Variants in PRKCA observed in about 807,000 individuals in gnomAD.
PRKCA encodes protein kinase C alpha.
PRKCA carries 27 observed loss-of-function variants against 87.0 expected under a neutral mutation model. That is an observed-to-expected ratio of 0.31 (90% CI 0.23 to 0.43). The LOEUF is 0.43. Among genes scored for constraint, PRKCA ranks in the 20% least tolerant of loss-of-function variants. The probability of loss-of-function intolerance (pLI) is 1.00; values close to 1 mark genes in which losing one functional copy is unlikely to be tolerated. For missense variants in PRKCA, 518 were observed against 852.3 expected (o/e 0.61, Z 4.88); for synonymous variants, 329 against 311.1 (o/e 1.06, Z -0.61).
At chr17:66,746,460 C>A (rs974736754) in intron 13 of PRKCA, among the ~76,000 whole-genome samples, 1 of 151,952 alleles carries the variant, frequency 6.6e-6, no homozygotes, top group Admixed American at 6.6e-5. Context: ...AATAATATTT[C>A]GTGTGGAAAA....
At chr17:66,782,504 G>T (rs112214920) in intron 14 of PRKCA, among the ~76,000 whole-genome samples, 2 of 152,292 alleles carry the variant, frequency 1.3e-5, no homozygotes, top group African/African-American at 4.8e-5. Context: ...TCGGCCAGCA[G>T]CTGGGAAGGA....
At chr17:66,687,805 G>A (rs1392561355) in intron 6 of PRKCA, among the ~76,000 whole-genome samples, 1 of 152,174 alleles carries the variant, frequency 6.6e-6, no homozygotes, top group Non-Finnish European at 1.5e-5. Context: ...GAAGGAAGGA[G>A]GGAATAAATA....
At chr17:66,641,513 T>G in intron 4 of PRKCA, 47 bp downstream of exon 4, 2 of 1,422,200 alleles carry the variant, frequency 1.4e-6, no homozygotes, top group South Asian at 1.2e-5. Flanking sequence ...CTGTAGCTCA[T>G]GCTCAGGGTT....
chr17:66,346,153 G>A (rs922381859), intron 2 of PRKCA, among the ~76,000 whole-genome samples: 7 of 148,928 alleles, frequency 4.7e-5, no homozygotes, highest in Non-Finnish European at 8.9e-5. Context: ...GAGTGCGCAC[G>A]TGGCACTATC....
chr17:66,642,593 A>G (rs751853488), intron 4 of PRKCA, among the ~76,000 whole-genome samples: 1 of 152,142 alleles, frequency 6.6e-6, no homozygotes, highest in Non-Finnish European at 1.5e-5. Flanking sequence ...GACTATTTTC[A>G]TTTGCTATGA....
chr17:66,786,028 C>T (rs935593315), intron 14 of PRKCA, among the ~76,000 whole-genome samples: 1 of 152,182 alleles, frequency 6.6e-6, no homozygotes, highest in South Asian at 2.1e-4. Context: ...CGGGGTTTCA[C>T]CATGTTAGCC....
At chr17:66,441,939 G>A (rs1011078009) in intron 2 of PRKCA, among the ~76,000 whole-genome samples, 7 of 152,080 alleles carry the variant, frequency 4.6e-5, no homozygotes, top group South Asian at 2.1e-4. Flanking sequence ...ATGGACGGGC[G>A]GACAGATGGA....
At chr17:66,411,481 C>A (rs958921512) in intron 2 of PRKCA, among the ~76,000 whole-genome samples, 4 of 152,130 alleles carry the variant, frequency 2.6e-5, no homozygotes, top group African/African-American at 4.8e-5. Flanking sequence ...ACCATGAAAA[C>A]CCATCCTGAA....
rs957584913 is a variant in PRKCA at position 66,683,798 on chromosome 17, C to T, written c.530-3313C>T. Among the ~76,000 whole-genome samples the T allele has an allele frequency of 3.3e-5, 5 of 152,104 alleles. 1 individual carries two copies. The South Asian group carries it at 8.3e-4, about 25-fold the overall frequency. ...TATTTTTAGTAGAAATGGGGTTTCA[C>T]CATGTTGGCCAGACTGGTCTCAAAC... On this transcript the variant is annotated intron_variant, in intron 5 of 16. Coordinates refer to ENST00000413366, the MANE Select transcript of PRKCA (RefSeq NM_002737.3).
At chr17:66,774,602 C>T (rs911448601) in intron 14 of PRKCA, 6 of 985,262 alleles carry the variant, frequency 6.1e-6, no homozygotes, top group Non-Finnish European at 7.2e-6. Flanking sequence ...GCCTGGGCAA[C>T]AGAGTGAGAC....
At chr17:66,496,714 GCT>G (rs1339754935) in intron 3 of PRKCA, among the ~76,000 whole-genome samples, 1 of 142,634 alleles carries the variant, frequency 7.0e-6, no homozygotes, top group Non-Finnish European at 1.5e-5. Context: ...CACGATCTCA[GCT>G]CACTGCAACC....
intron 2 of PRKCA, among the ~76,000 whole-genome samples, chr17:66,431,832 A>G (rs1417503582): frequency 2.0e-5 from 3 of 152,178 alleles, no homozygotes; most frequent in African/African-American, 4.8e-5. Flanking sequence ...CTGAAAGCCA[A>G]TAATTAAGTA....
At chr17:66,769,862 C>A (rs1974893410) in intron 13 of PRKCA, among the ~76,000 whole-genome samples, 1 of 152,174 alleles carries the variant, frequency 6.6e-6, no homozygotes, top group African/African-American at 2.4e-5. Context: ...TCCATTTTGA[C>A]TAATTGAAGA....
chr17:66,390,179 A>T (rs1469242322), intron 2 of PRKCA, among the ~76,000 whole-genome samples: 1 of 152,276 alleles, frequency 6.6e-6, no homozygotes, highest in Admixed American at 6.5e-5. Flanking sequence ...CTGAGATTAC[A>T]TCCTTGTACT....
intron 2 of PRKCA, among the ~76,000 whole-genome samples, chr17:66,442,357 G>A (rs1412386078): frequency 6.6e-6 from 1 of 151,824 alleles, no homozygotes; most frequent in East Asian, 1.9e-4. Context: ...GCACCTGCCT[G>A]TAACATCATG....
rs115782265 is a variant in PRKCA, at chr17:66,310,167, T to G, written c.205+4040T>G. ...TATTTCAAATGCCAAACAGTTAACATAGTTTGTTTCATCTGCCTAACCTCC... is the reference window on the plus strand; with the variant it reads ...TATTTCAAATGCCAAACAGTTAACAGAGTTTGTTTCATCTGCCTAACCTCC... On this transcript the variant is annotated intron_variant, in intron 2 of 16. Transcript: ENST00000413366. Among the ~76,000 whole-genome samples the G allele has an allele frequency of 6.6e-3, 1,001 of 152,218 alleles. 6 individuals are homozygous for G. The highest frequency in any genetic ancestry group is 0.023 in the African/African-American group (945 of 41,526).
intron 5 of PRKCA, among the ~76,000 whole-genome samples, chr17:66,672,919 C>T (rs1649224196): frequency 6.6e-6 from 1 of 152,184 alleles, no homozygotes; most frequent in Non-Finnish European, 1.5e-5. Flanking sequence ...AATGTTGGTT[C>T]TCCCATGCAG....
At chr17:66,385,898 C>G (rs1274811993) in intron 2 of PRKCA, among the ~76,000 whole-genome samples, 1 of 152,172 alleles carries the variant, frequency 6.6e-6, no homozygotes, top group East Asian at 1.9e-4. Flanking sequence ...GCTGGGATTA[C>G]AGGCACTCAC....
intron 2 of PRKCA, among the ~76,000 whole-genome samples, chr17:66,344,016 G>C (rs1335865770): frequency 6.6e-6 from 1 of 152,058 alleles, no homozygotes; most frequent in Admixed American, 6.6e-5. Flanking sequence ...TCTGGGGAGA[G>C]GTTCCTTCCA....
Sources: allele counts gnomAD v4.1 joint callset (sites outside exome capture counted in the v4.1 genomes callset), GRCh38; gene constraint gnomAD v4.1.1; transcripts MANE v1.5; gene names NCBI Gene and HGNC (gene_info 2026-07-23, HGNC 2026-07-21).